Variants in VWA8 observed in about 807,000 individuals in gnomAD.
VWA8 encodes von Willebrand factor A domain-containing protein 8.
VWA8 carries 221 observed loss-of-function variants against 241.5 expected under a neutral mutation model. The observed-to-expected ratio is 0.91, with a 90% CI of 0.82 to 1.02. The LOEUF (loss-of-function observed/expected upper bound fraction) is 1.02. Among genes scored for constraint, VWA8 ranks in the 50% least tolerant of loss-of-function variants. The pLI is 0.00. For synonymous variants in VWA8, 852 were observed against 827.1 expected (o/e 1.03, Z -0.52); for missense variants, 2,322 against 2,328.7 (o/e 1.00, Z 0.06).
intron 5 of VWA8, among the ~76,000 whole-genome samples, chr13:41,891,201 C>CA (rs11422492): frequency 0.27 from 37,010 of 136,284 alleles, 4,624 homozygotes; most frequent in East Asian, 0.33. Context: ...TTAGACTGAC[C>CA]AAAAAAAAAA....
intron 16 of VWA8, among the ~76,000 whole-genome samples, chr13:41,812,667 A>G (rs1870523757): frequency 6.6e-6 from 1 of 152,174 alleles, no homozygotes; most frequent in African/African-American, 2.4e-5. Context: ...TCCATAAGAT[A>G]TTGGTTTGCT....
Position 41,907,618 on chromosome 13 carries a change from T to C in VWA8, c.451A>G (p.Ile151Val). ...ATGTAAAAGGCTGTGCCTGCACGGA[T>C]CTCTCGTCGCTGTTTGAGATCAGTT... ...TETDLKQRRE[I>V]RAGTAFYIDQ... The change falls in exon 4 of 45, where the codon ATC (isoleucine) becomes GTC (valine). Residue 151 changes from isoleucine (I) to valine (V), a missense_variant. Physicochemically the swap from Ile to Val is conservative, Grantham distance 29 (BLOSUM62 3). Coordinates refer to ENST00000379310, the MANE Select transcript of VWA8 (RefSeq NM_015058.2). 3.7e-6 allele frequency: 6 copies of C among 1,614,178 alleles called. No homozygotes were observed. The highest frequency in any genetic ancestry group is 5.1e-6 in the Non-Finnish European group (6 of 1,180,002).
Position 41,701,351 on chromosome 13 carries a change from CAT to C in VWA8, c.3364+39_3364+40del, listed in dbSNP as rs748095069. The C allele has an allele frequency of 9.0e-5, 133 of 1,482,156 alleles. No individual in the cohort carries two copies. In the African/African-American group the frequency reaches 1.6e-3, roughly 18 times the overall value. The allele number at this position is 1,482,156 out of a possible 1,614,324, so 91.8% of individuals were successfully genotyped here. ...TATTTTAATCCATCTTTTAAAAAAA[CAT>C]GTGCAGGAAGGAAAGATCAAAAGAA... is the stretch of plus-strand genomic sequence containing the variant. On this transcript the variant is annotated intron_variant, in intron 28 of 44. Transcript: ENST00000379310.
At position 41,739,864 on chromosome 13, in the gene VWA8, T is replaced by TTG. The variant is rs1177393586; in HGVS notation, c.2427-7710_2427-7709insCA. ...GTTTTTTTTGTTTTTTTTGTTTTTT[T>TTG]TTTTTTTTGAGACAGAGTCTTGCTC... On this transcript the variant is annotated intron_variant, in intron 21 of 44. Coordinates refer to ENST00000379310, the MANE Select transcript of VWA8 (RefSeq NM_015058.2). 2.9e-3 allele frequency among the ~76,000 whole-genome samples: 346 copies of TTG among 120,854 alleles called. 5 individuals carry two copies. The highest frequency in any genetic ancestry group is 0.01 in the African/African-American group (334 of 31,998). 79.3% of individuals were successfully genotyped at this position (120,854 alleles called of 152,430 possible). A position where few individuals can be genotyped will look rare whatever the true frequency, so the allele number is the denominator to read the frequency against.
intron 9 of VWA8, among the ~76,000 whole-genome samples, chr13:41,880,831 C>T (rs1874135392): frequency 6.6e-6 from 1 of 152,180 alleles, no homozygotes; most frequent in Non-Finnish European, 1.5e-5. Context: ...ATACCACTTT[C>T]TTGTTTTGTA....
At chr13:41,614,528 T>C (rs987940041) in intron 38 of VWA8, among the ~76,000 whole-genome samples, 1 of 152,220 alleles carries the variant, frequency 6.6e-6, no homozygotes, top group African/African-American at 2.4e-5. Flanking sequence ...GGACCATTTC[T>C]TTTCAGTCAG....
rs1593776850 is a variant in VWA8, at chr13:41,794,295, C to T, written c.2064-6752G>A. On this transcript the variant is annotated intron_variant, in intron 17 of 44. Transcript: ENST00000379310. ...GGAATGTTTTTCCATTTGTTTGTGT[C>T]CTCTCTAATTTCCATGAGCAGTGGT... 2.6e-5 allele frequency among the ~76,000 whole-genome samples: 4 copies of T among 152,144 alleles called. No individual in the cohort carries two copies. In the South Asian group the frequency reaches 8.3e-4, roughly 32 times the overall value.
chr13:41,809,954 T>C (rs1181198767), intron 17 of VWA8, among the ~76,000 whole-genome samples: 3 of 152,116 alleles, frequency 2.0e-5, no homozygotes, highest in Admixed American at 1.3e-4. Context: ...AATAGAAATT[T>C]CTCAAAAGAA....
chr13:41,788,609 T>A (rs543941137), intron 17 of VWA8, among the ~76,000 whole-genome samples: 6 of 152,192 alleles, frequency 3.9e-5, no homozygotes, highest in Non-Finnish European at 5.9e-5. Context: ...TCGTCATAGT[T>A]CTTAGATCAC....
chr13:41,870,848 G>A (rs1185823220), intron 9 of VWA8, among the ~76,000 whole-genome samples: 1 of 151,964 alleles, frequency 6.6e-6, no homozygotes, highest in East Asian at 1.9e-4. Context: ...AATAATTAAA[G>A]CTAAAATATT....
chr13:41,690,766 AAG>A (rs1490876573), intron 32 of VWA8, among the ~76,000 whole-genome samples: 1 of 152,128 alleles, frequency 6.6e-6, no homozygotes, highest in Non-Finnish European at 1.5e-5. Flanking sequence ...GAGGGGCAGA[AAG>A]AGTCTGCACT....
At chr13:41,868,805 G>A (rs1360171323) in intron 9 of VWA8, among the ~76,000 whole-genome samples, 1 of 149,108 alleles carries the variant, frequency 6.7e-6, no homozygotes, top group Non-Finnish European at 1.5e-5. Context: ...AGAGAATGGC[G>A]TGAACCCGGG....
chr13:41,910,539 A>G (rs1875941539), intron 3 of VWA8, among the ~76,000 whole-genome samples: 1 of 151,822 alleles, frequency 6.6e-6, no homozygotes, highest in Non-Finnish European at 1.5e-5. Flanking sequence ...AGCCAAGATC[A>G]AGCCACTGCA....
chr13:41,843,856 C>CA (rs1566478888), intron 12 of VWA8, among the ~76,000 whole-genome samples: 1 of 151,978 alleles, frequency 6.6e-6, no homozygotes, highest in Admixed American at 6.6e-5. Context: ...AAAAACTTAC[C>CA]AAAAAAACAC....
chr13:41,655,057 G>A (rs34252700), intron 37 of VWA8, among the ~76,000 whole-genome samples: 3,994 of 151,462 alleles, frequency 0.026, 53 homozygotes, highest in South Asian at 0.052. Context: ...TGTTGGTTAC[G>A]TTAGGAGAAT....
chr13:41,669,639 C>T (rs552390755), intron 37 of VWA8, among the ~76,000 whole-genome samples: 4 of 152,208 alleles, frequency 2.6e-5, no homozygotes, highest in African/African-American at 9.6e-5. Flanking sequence ...TTAATCTTGA[C>T]CAGATGGAAA....
intron 4 of VWA8, among the ~76,000 whole-genome samples, chr13:41,906,121 C>T (rs969968733): frequency 6.6e-6 from 1 of 151,982 alleles, no homozygotes; most frequent in African/African-American, 2.4e-5. Flanking sequence ...TCTGCCAAAT[C>T]TCTCCATTTT....
chr13:41,742,915 T>C (rs745795353), intron 21 of VWA8, among the ~76,000 whole-genome samples: 1 of 152,194 alleles, frequency 6.6e-6, no homozygotes, highest in African/African-American at 2.4e-5. Context: ...GGAATCAACA[T>C]CTGCTTGTGG....
intron 26 of VWA8, among the ~76,000 whole-genome samples, chr13:41,719,084 A>G (rs1049858301): frequency 6.6e-6 from 1 of 152,030 alleles, no homozygotes; most frequent in Non-Finnish European, 1.5e-5. Flanking sequence ...CAACTAGCTC[A>G]CATGAAATAA....
Sources: gnomAD v4.1 joint callset for allele counts (sites outside exome capture counted in the v4.1 genomes callset) on GRCh38, gnomAD v4.1.1 for gene constraint, MANE v1.5 for transcripts, NCBI Gene and HGNC (gene_info 2026-07-23, HGNC 2026-07-21) for gene names.